MAN1A1: variants seen among roughly 807,000 people sequenced by gnomAD.
MAN1A1 encodes the protein mannosidase alpha class 1A member 1.
A neutral mutation model predicts 70.8 loss-of-function variants in MAN1A1; 29 were observed. The observed-to-expected ratio is 0.41, with a 90% confidence interval of 0.31 to 0.56. MAN1A1 has a LOEUF of 0.56. Among genes scored for constraint, MAN1A1 ranks in the 20% least tolerant of loss-of-function variants. The pLI is 0.29. For missense variants in MAN1A1, 747 were observed against 841.3 expected (o/e 0.89, Z 1.39); for synonymous variants, 349 against 330.1 (o/e 1.06, Z -0.62).
At chr6:119,277,962 AAAAT>A (rs71015035) in intron 5 of MAN1A1, among the ~76,000 whole-genome samples, 7 of 114,678 alleles carry the variant, frequency 6.1e-5, no homozygotes, top group African/African-American at 1.6e-4. Context: ...AAAAAAAGTA[AAAAT>A]AAATAAATAA....
Position 119,179,502 on chromosome 6 carries a change from A to C in MAN1A1, c.*317T>G, listed in dbSNP as rs1773090825. 6.0e-6 allele frequency: 1 copy of C among 165,982 alleles called. No homozygotes were observed. The highest frequency in any genetic ancestry group is 1.7e-4 in the South Asian group (1 of 5,922). 10.3% of individuals were successfully genotyped at this position (165,982 alleles called of 1,614,324 possible). ...AGTTTTGCAGTCAAATCAAATTATA[A>C]TTAAGAGGTCATCGCTATACAATTC... is the stretch of plus-strand genomic sequence containing the variant. On this transcript the variant is annotated 3_prime_UTR_variant, in exon 13 of 13. Coordinates refer to ENST00000368468, the MANE Select transcript of MAN1A1 (RefSeq NM_005907.4).
chr6:119,247,251 T>C (rs1441221817), intron 6 of MAN1A1, among the ~76,000 whole-genome samples: 1 of 152,228 alleles, frequency 6.6e-6, no homozygotes, highest in East Asian at 1.9e-4. Flanking sequence ...TTTGTACATA[T>C]GCATCGATGT....
intron 8 of MAN1A1, among the ~76,000 whole-genome samples, chr6:119,200,335 A>G (rs1384360952): frequency 6.6e-6 from 1 of 152,180 alleles, no homozygotes; most frequent in Non-Finnish European, 1.5e-5. Flanking sequence ...GTAAGTGGTA[A>G]CCTTGATTAT....
intron 6 of MAN1A1, among the ~76,000 whole-genome samples, chr6:119,230,346 C>T (rs1774643017): frequency 6.6e-6 from 1 of 152,190 alleles, no homozygotes. Flanking sequence ...ACCTTGAGTG[C>T]TTCCCACTGA....
intron 4 of MAN1A1, among the ~76,000 whole-genome samples, chr6:119,298,487 A>G (rs2114434003): frequency 6.6e-6 from 1 of 152,330 alleles, no homozygotes; most frequent in Middle Eastern, 3.4e-3. Context: ...TTTATTCTTG[A>G]GTGTAAAATT....
chr6:119,197,074 C>T (rs1021256124), intron 8 of MAN1A1, among the ~76,000 whole-genome samples: 7 of 152,082 alleles, frequency 4.6e-5, no homozygotes, highest in East Asian at 1.9e-4. Flanking sequence ...ATTGGGAGGC[C>T]GGGGAGGGCG....
rs569899025 is a variant in MAN1A1 at position 119,249,612 on chromosome 6, G to A, written c.898-1258C>T. 3.6e-4 allele frequency among the ~76,000 whole-genome samples: 55 copies of A among 152,170 alleles called. No homozygotes were observed. The South Asian group carries it at 0.011, about 30-fold the overall frequency. ...GGCAAAGTTCTCTGTCAGCCACTGG[G>A]GAAGCATTCACTAAAGCAATCGACA... On this transcript the variant is annotated intron_variant, in intron 5 of 12. Coordinates refer to ENST00000368468, the MANE Select transcript of MAN1A1 (RefSeq NM_005907.4).
Position 119,348,967 on chromosome 6 carries a change from G to C in MAN1A1, c.99C>G (p.Pro33=). Residue 33 remains proline (P), a synonymous_variant, in exon 2 of 13, where the codon CCC becomes CCG. Coordinates refer to ENST00000368468, the MANE Select transcript of MAN1A1 (RefSeq NM_005907.4). ...ACTTCTCCGTCAGGCGGAGGGCGGC[G>C]GGGCCCGACCCCTTCCTGCCACCGC... The part of the protein sequence containing the change: ...GGGGGRKGSG[P]AALRLTEKFV... 2 of 1,518,708 alleles carry C rather than the reference G, an allele frequency of 1.3e-6. No homozygotes were observed. The highest frequency in any genetic ancestry group is 1.3e-5 in the South Asian group (1 of 79,904). 94.1% of individuals were successfully genotyped at this position (1,518,708 alleles called of 1,614,324 possible).
chr6:119,318,627 TTTC>T (rs772107474), intron 2 of MAN1A1, among the ~76,000 whole-genome samples: 9 of 152,242 alleles, frequency 5.9e-5, no homozygotes, highest in Admixed American at 5.9e-4. Context: ...ACTTCCAATC[TTTC>T]TTTTTTTGAA....
chr6:119,290,056 G>C (rs567284467), intron 5 of MAN1A1, among the ~76,000 whole-genome samples: 3 of 152,058 alleles, frequency 2.0e-5, no homozygotes, highest in African/African-American at 7.2e-5. Context: ...AATAGCATCA[G>C]TGACCTTTAT....
At chr6:119,243,816 T>C (rs1775077231) in intron 6 of MAN1A1, among the ~76,000 whole-genome samples, 1 of 152,096 alleles carries the variant, frequency 6.6e-6, no homozygotes, top group African/African-American at 2.4e-5. Flanking sequence ...TGAGGGGTTG[T>C]GCCTCATTCA....
At chr6:119,247,121 T>G (rs1231987471) in intron 6 of MAN1A1, among the ~76,000 whole-genome samples, 1 of 152,208 alleles carries the variant, frequency 6.6e-6, no homozygotes, top group African/African-American at 2.4e-5. Context: ...ATTTCATGGT[T>G]TTATGATTAA....
intron 6 of MAN1A1, among the ~76,000 whole-genome samples, chr6:119,225,911 CAT>C (rs1462772360): frequency 6.6e-6 from 1 of 152,098 alleles, no homozygotes; most frequent in Non-Finnish European, 1.5e-5. Context: ...ACTAGAAGAA[CAT>C]ATTTAGGTTG....
chr6:119,212,239 C>G (rs1255957232), intron 6 of MAN1A1, among the ~76,000 whole-genome samples: 2 of 151,844 alleles, frequency 1.3e-5, no homozygotes, highest in African/African-American at 2.4e-5. Context: ...TTTACCTTGC[C>G]CATGAAAGCT....
At chr6:119,198,214 C>A (rs1359638726) in intron 8 of MAN1A1, among the ~76,000 whole-genome samples, 1 of 152,036 alleles carries the variant, frequency 6.6e-6, no homozygotes, top group Non-Finnish European at 1.5e-5. Flanking sequence ...CATGGTGAAA[C>A]CCCCATCTCT....
At chr6:119,180,992 ACT>A (rs1773138441) in intron 11 of MAN1A1, among the ~76,000 whole-genome samples, 1 of 152,210 alleles carries the variant, frequency 6.6e-6, no homozygotes, top group Non-Finnish European at 1.5e-5. Context: ...AAAATTTTTC[ACT>A]GATTTTTACC....
intron 8 of MAN1A1, among the ~76,000 whole-genome samples, chr6:119,197,050 TG>T (rs1773588623): frequency 6.6e-6 from 1 of 152,182 alleles, no homozygotes; most frequent in Non-Finnish European, 1.5e-5. Flanking sequence ...GTTTCACACC[TG>T]TAATCCCAGA....
At chr6:119,238,860 A>G (rs567987274) in intron 6 of MAN1A1, among the ~76,000 whole-genome samples, 14 of 152,258 alleles carry the variant, frequency 9.2e-5, no homozygotes, top group Middle Eastern at 6.8e-3. Context: ...GAGCATTCAC[A>G]TAAAGTCTTC....
intron 2 of MAN1A1, among the ~76,000 whole-genome samples, chr6:119,343,547 T>C (rs908893289): frequency 4.6e-5 from 7 of 152,070 alleles, no homozygotes; most frequent in Non-Finnish European, 8.8e-5. Flanking sequence ...TTTTAACAGA[T>C]TGAGAGGTTG....
Sources: allele counts gnomAD v4.1 joint callset (sites outside exome capture counted in the v4.1 genomes callset), GRCh38; gene constraint gnomAD v4.1.1; transcripts MANE v1.5; gene names NCBI Gene and HGNC (gene_info 2026-07-23, HGNC 2026-07-21).